PRDM2: variants seen among roughly 807,000 people sequenced by gnomAD.
The protein encoded by PRDM2 is PR domain zinc finger protein 2.
Under a neutral mutation model 130.0 loss-of-function variants are expected in PRDM2, and 30 were observed. That is an observed-to-expected ratio of 0.23 (90% confidence interval 0.17 to 0.31). The LOEUF is 0.31. Ranked by LOEUF, PRDM2 falls within the 10% of genes least tolerant of loss-of-function variation. The probability of loss-of-function intolerance (pLI) is 1.00; values close to 1 mark genes in which losing one functional copy is unlikely to be tolerated. For missense variants in PRDM2, 2,011 were observed against 2,108.4 expected (o/e 0.95, Z 0.90); for synonymous variants, 871 against 782.4 (o/e 1.11, Z -1.89).
At chr1:13,743,562 A>T (rs1388676205) in intron 5 of PRDM2, among the ~76,000 whole-genome samples, 1 of 152,204 alleles carries the variant, frequency 6.6e-6, no homozygotes, top group African/African-American at 2.4e-5. Context: ...TACTTCCATT[A>T]AAAATGTCAT....
Position 13,824,482 on chromosome 1 carries a change from C to T in PRDM2, c.*1347C>T, listed in dbSNP as rs1007493554. On this transcript the variant is annotated 3_prime_UTR_variant, in exon 10 of 10. Transcript: ENST00000311066. ...AACTTGTGTTATTTAATGAGTCAGT[C>T]AATCGGCTGCAGTATGGGATCTGAT... 1.3e-5 allele frequency: 2 copies of T among 152,132 alleles called. No homozygotes were observed. Among genetic ancestry groups the T allele is most frequent in the Non-Finnish European group, 2.9e-5 (2 of 68,022 alleles). 9.4% of individuals were successfully genotyped at this position (152,132 alleles called of 1,614,324 possible).
Position 13,773,131 on chromosome 1 carries a change from C to G in PRDM2, c.565C>G (p.Gln189Glu), listed in dbSNP as rs757325233. The G allele has an allele frequency of 9.5e-6, 15 of 1,577,572 alleles. No individual in the cohort carries two copies. In the East Asian group the frequency reaches 2.7e-4, roughly 29 times the overall value. ...KNKGNKIQDI[Q>E]LKTSEPDFTS... ...CAAAGGAAACAAAATCCAAGACATA[C>G]AACTGAAGACAAGTGAGCCAGATTT... is the stretch of plus-strand genomic sequence containing the variant. Residue 189 changes from glutamine (Q) to glutamate (E), a missense_variant, in exon 7 of 10, where the codon CAA (glutamine) becomes GAA (glutamate). Physicochemically the swap from Gln to Glu is conservative, Grantham distance 29 (BLOSUM62 2). Transcript: ENST00000311066.
At chr1:13,816,617 A>G in intron 9 of PRDM2, 47 bp downstream of exon 9, 1 of 1,568,478 alleles carries the variant, frequency 6.4e-7, no homozygotes, top group Non-Finnish European at 8.7e-7. Flanking sequence ...GGGTGGGTCA[A>G]GGGGGTGTGG....
intron 8 of PRDM2, among the ~76,000 whole-genome samples, chr1:13,809,794 T>C (rs114577181): frequency 6.6e-6 from 1 of 152,200 alleles, no homozygotes; most frequent in Admixed American, 6.5e-5. Context: ...GCAAGTTGTC[T>C]TAACAAAATT....
chr1:13,794,236 A>C (rs77992822), intron 8 of PRDM2, among the ~76,000 whole-genome samples: 100 of 152,304 alleles, frequency 6.6e-4, no homozygotes, highest in African/African-American at 2.2e-3. Context: ...ACCTCCTCCA[A>C]GAAGCCTTTC....
chr1:13,804,189 T>A (rs1645053087), intron 8 of PRDM2, among the ~76,000 whole-genome samples: 2 of 152,144 alleles, frequency 1.3e-5, no homozygotes, highest in Non-Finnish European at 2.9e-5. Flanking sequence ...CAGTGTGTAC[T>A]AATTCCTCAT....
chr1:13,711,907 A>G (rs915244163), intron 1 of PRDM2, among the ~76,000 whole-genome samples: 1 of 152,190 alleles, frequency 6.6e-6, no homozygotes. Flanking sequence ...GAAAGAAATA[A>G]GTGCATTCTC....
chr1:13,732,666 T>G (rs138636535), intron 3 of PRDM2, 113 bp from the exon 4 acceptor site: 1 of 681,940 alleles, frequency 1.5e-6, no homozygotes, highest in East Asian at 3.1e-5. Flanking sequence ...TAACATTAGC[T>G]TGATTTAGGC....
At chr1:13,717,125 C>T (rs551361975) in intron 2 of PRDM2, among the ~76,000 whole-genome samples, 46 of 152,196 alleles carry the variant, frequency 3.0e-4, no homozygotes, top group Non-Finnish European at 4.9e-4. Context: ...TCATAAAAAA[C>T]GAATCTGGCG....
intron 1 of PRDM2, among the ~76,000 whole-genome samples, chr1:13,712,918 C>T (rs559495713): frequency 9.2e-5 from 14 of 152,318 alleles, no homozygotes; most frequent in African/African-American, 3.4e-4. Context: ...CCTCTTCATG[C>T]GCCCCTCACC....
chr1:13,824,772 G>T lies in PRDM2; in HGVS notation c.*1637G>T, dbSNP rs1197935020. The T allele has an allele frequency of 1.3e-5, 2 of 152,258 alleles. No homozygotes were observed. The highest frequency in any genetic ancestry group is 4.8e-5 in the African/African-American group (2 of 41,420). 9.4% of individuals were successfully genotyped at this position (152,258 alleles called of 1,614,324 possible). A position where few individuals can be genotyped will look rare whatever the true frequency, so the allele number is the denominator to read the frequency against. ...CATACCCCGGCCTCTCAGTTCTTGA[G>T]GGCCTCCCCACCGCAGCAGCAAGGA... On this transcript the variant is annotated 3_prime_UTR_variant, in exon 10 of 10. Coordinates refer to ENST00000311066, the MANE Select transcript of PRDM2 (RefSeq NM_001393986.1).
At chr1:13,816,326 C>T in intron 8 of PRDM2, 101 bp from the exon 9 acceptor site, 1 of 1,450,302 alleles carries the variant, frequency 6.9e-7, no homozygotes, top group Non-Finnish European at 9.4e-7. Context: ...CCTATCCTGG[C>T]CTGGGAAGTG....
intron 8 of PRDM2, among the ~76,000 whole-genome samples, chr1:13,800,106 G>A (rs1269190288): frequency 6.6e-6 from 1 of 152,224 alleles, no homozygotes; most frequent in South Asian, 2.1e-4. Flanking sequence ...CGGGGCCTAC[G>A]CCTGCTGTTA....
chr1:13,742,204 T>C (rs368915302), intron 5 of PRDM2, 47 bp downstream of exon 5: 1 of 1,578,844 alleles, frequency 6.3e-7, no homozygotes. Context: ...TGCTTGTGTT[T>C]TCCTTTTTCT....
intron 6 of PRDM2, among the ~76,000 whole-genome samples, chr1:13,756,151 T>C (rs1043636562): frequency 2.7e-5 from 4 of 150,404 alleles, no homozygotes; most frequent in South Asian, 2.1e-4. Context: ...TAGTCCCAGC[T>C]ACTCCGGAGG....
chr1:13,790,629 A>C (rs1269320391), intron 8 of PRDM2, among the ~76,000 whole-genome samples: 1 of 152,200 alleles, frequency 6.6e-6, no homozygotes, highest in Non-Finnish European at 1.5e-5. Context: ...GATTGGTGGG[A>C]ATGATGACGT....
intron 2 of PRDM2, 44 bp from the exon 3 acceptor site, chr1:13,730,956 G>T: frequency 1.5e-6 from 2 of 1,359,702 alleles, no homozygotes; most frequent in Non-Finnish European, 2.0e-6. Context: ...CATGATTTGA[G>T]TTTTCTTTCT....
At chr1:13,712,053 CA>C (rs5772549) in intron 1 of PRDM2, among the ~76,000 whole-genome samples, 5,172 of 83,868 alleles carry the variant, frequency 0.062, 104 homozygotes, top group African/African-American at 0.12. Context: ...CATCTCTACC[CA>C]AAAAAAAAAA....
intron 8 of PRDM2, among the ~76,000 whole-genome samples, chr1:13,812,422 C>T (rs1286873073): frequency 2.0e-5 from 3 of 152,094 alleles, no homozygotes; most frequent in South Asian, 2.1e-4. Context: ...ATGGCCAATC[C>T]GAAGCAGCAA....
Sources: allele counts gnomAD v4.1 joint callset (sites outside exome capture counted in the v4.1 genomes callset), GRCh38; gene constraint gnomAD v4.1.1; transcripts MANE v1.5; gene names NCBI Gene and HGNC (gene_info 2026-07-23, HGNC 2026-07-21).